The following AGBL1 variants were observed in gnomAD, a reference collection of about 807,000 sequenced individuals.
AGBL1 encodes the protein cytosolic carboxypeptidase 4.
Under a neutral mutation model 118.9 loss-of-function variants are expected in AGBL1, and 130 were observed. The observed-to-expected ratio is 1.09, with a 90% confidence interval of 0.95 to 1.26. The LOEUF (loss-of-function observed/expected upper bound fraction) is 1.26, where lower values mean the gene tolerates loss of function less well. Among genes scored for constraint, AGBL1 ranks in the 50% most tolerant of loss-of-function variants. The pLI, the probability that AGBL1 is intolerant of heterozygous loss-of-function variation, is 0.00. For synonymous variants in AGBL1, 555 were observed against 478.9 expected (o/e 1.16, Z -2.08); for missense variants, 1,584 against 1,298.1 (o/e 1.22, Z -3.38).
At chr15:86,286,161 A>G (rs1461415329) in intron 16 of AGBL1, among the ~76,000 whole-genome samples, 1 of 148,766 alleles carries the variant, frequency 6.7e-6, no homozygotes, top group East Asian at 2.0e-4. Context: ...TAATTTATTT[A>G]TAAAAGTTTC....
intron 23 of AGBL1, among the ~76,000 whole-genome samples, chr15:86,964,712 C>T (rs540247959): frequency 2.0e-5 from 3 of 151,494 alleles, no homozygotes; most frequent in East Asian, 3.9e-4. Flanking sequence ...TAGGTATACA[C>T]GTGCAATGGT....
intron 22 of AGBL1, among the ~76,000 whole-genome samples, chr15:86,886,692 T>C (rs752703562): frequency 3.3e-5 from 5 of 152,108 alleles, no homozygotes; most frequent in Admixed American, 1.3e-4. Context: ...GGAGGTAACA[T>C]TGGGTTTATT....
intron 17 of AGBL1, among the ~76,000 whole-genome samples, chr15:86,391,234 A>C (rs1006648754): frequency 6.6e-6 from 1 of 152,166 alleles, no homozygotes; most frequent in African/African-American, 2.4e-5. Flanking sequence ...CAATAAAACT[A>C]ATAAAAAAGA....
chr15:86,222,854 C>G (rs1375864157), intron 5 of AGBL1, among the ~76,000 whole-genome samples: 3 of 152,110 alleles, frequency 2.0e-5, no homozygotes, highest in African/African-American at 7.2e-5. Flanking sequence ...TTGAATTGCT[C>G]TCTCAACATC....
chr15:86,237,194 A>G (rs1278064371), intron 6 of AGBL1, among the ~76,000 whole-genome samples: 1 of 152,182 alleles, frequency 6.6e-6, no homozygotes, highest in Non-Finnish European at 1.5e-5. Context: ...ATTTCTTAAT[A>G]ACTCCTATAA....
chr15:86,308,108 T>C (rs1232585549), intron 17 of AGBL1, among the ~76,000 whole-genome samples: 1 of 152,232 alleles, frequency 6.6e-6, no homozygotes, highest in Non-Finnish European at 1.5e-5. Flanking sequence ...GCTTATCTTA[T>C]TAAACATATT....
intron 17 of AGBL1, among the ~76,000 whole-genome samples, chr15:86,343,024 A>T (rs2080484950): frequency 1.3e-5 from 2 of 152,188 alleles, no homozygotes; most frequent in African/African-American, 4.8e-5. Context: ...CAGATGAATG[A>T]TCTTCACTAA....
chr15:86,817,194 A>G (rs1220032961), intron 22 of AGBL1, among the ~76,000 whole-genome samples: 1 of 150,822 alleles, frequency 6.6e-6, no homozygotes, highest in Non-Finnish European at 1.5e-5. Context: ...CAGGAGGCTG[A>G]GGCAGCAGAA....
chr15:86,410,930 TAAC>T (rs2081610525), intron 18 of AGBL1, among the ~76,000 whole-genome samples: 1 of 86,944 alleles, frequency 1.2e-5, no homozygotes, highest in East Asian at 6.1e-4. Context: ...ATAATATATA[TAAC>T]ATATATTATA....
chr15:86,900,206 G>A (rs143950529), intron 22 of AGBL1, among the ~76,000 whole-genome samples: 6 of 152,130 alleles, frequency 3.9e-5, no homozygotes, highest in Admixed American at 6.5e-5. Context: ...TGGCTCCTCA[G>A]CTTGTGGATG....
Position 86,196,660 on chromosome 15 carries a change from A to G in AGBL1, c.489-28254A>G, listed in dbSNP as rs569731795. 5.9e-5 allele frequency among the ~76,000 whole-genome samples: 9 copies of G among 152,228 alleles called. No individual in the cohort carries two copies. The South Asian group carries it at 6.2e-4, about 11-fold the overall frequency. The stretch of plus-strand genomic sequence containing the variant: ...ACGTTTTCTAAAGAAATACACTGCT[A>G]TGGACTGAATTGTGTCCCACCAAGT... On this transcript the variant is annotated intron_variant, in intron 5 of 22. Transcript: ENST00000614907.
chr15:86,116,882 C>A (rs1166718550), intron 1 of AGBL1, among the ~76,000 whole-genome samples: 1 of 152,110 alleles, frequency 6.6e-6, no homozygotes, highest in African/African-American at 2.4e-5. Context: ...ATTCTCAAGA[C>A]AACCCTAATA....
At chr15:86,636,991 A>G (rs984384817) in intron 21 of AGBL1, among the ~76,000 whole-genome samples, 1 of 151,842 alleles carries the variant, frequency 6.6e-6, no homozygotes, top group Admixed American at 6.6e-5. Context: ...AGGCACAACC[A>G]GGTATGTATA....
chr15:86,517,452 T>G (rs1445633653), intron 18 of AGBL1, among the ~76,000 whole-genome samples: 1 of 152,216 alleles, frequency 6.6e-6, no homozygotes, highest in East Asian at 1.9e-4. Context: ...TATTTTGTAT[T>G]TAGACCTACC....
At chr15:86,706,202 T>A (rs906650783) in intron 22 of AGBL1, among the ~76,000 whole-genome samples, 3 of 152,096 alleles carry the variant, frequency 2.0e-5, no homozygotes, top group Non-Finnish European at 2.9e-5. Flanking sequence ...AGTTTACCGA[T>A]CAAAGATAAA....
intron 14 of AGBL1, 130 bp downstream of exon 14, chr15:86,270,197 TGCAGCAAGGCAG>T: frequency 7.8e-7 from 1 of 1,274,842 alleles, no homozygotes; most frequent in Non-Finnish European, 1.1e-6. Flanking sequence ...GGTTGCCAGG[TGCAGCAAGGCAG>T]GCAGTGGCCC....
chr15:86,750,258 ATTAT>A (rs1157093992), intron 22 of AGBL1, among the ~76,000 whole-genome samples: 4 of 152,006 alleles, frequency 2.6e-5, no homozygotes, highest in African/African-American at 4.8e-5. Flanking sequence ...TTTATTTTTA[ATTAT>A]TAAGTATAAG....
intron 22 of AGBL1, among the ~76,000 whole-genome samples, chr15:86,688,427 C>T (rs12595041): frequency 0.011 from 1,744 of 152,152 alleles, 26 homozygotes; most frequent in East Asian, 0.071. Flanking sequence ...AAATCATATG[C>T]AAATTAAGTT....
rs959226387 is a variant in AGBL1, at chr15:86,718,384, C to T, written c.3158+43948C>T. On this transcript the variant is annotated intron_variant, in intron 22 of 22. Coordinates refer to ENST00000614907, the MANE Select transcript of AGBL1 (RefSeq NM_001386094.1). ...TGGGGAACATCACACACTGGGGCCT[C>T]GTGGGGTGGGTGTAGGCAGGAGGGA... 3.3e-5 allele frequency among the ~76,000 whole-genome samples: 5 copies of T among 152,134 alleles called. No individual in the cohort carries two copies. In the East Asian group the frequency reaches 5.8e-4, roughly 18 times the overall value.
Sources: gnomAD v4.1 joint callset for allele counts (sites outside exome capture counted in the v4.1 genomes callset) on GRCh38, gnomAD v4.1.1 for gene constraint, MANE v1.5 for transcripts, NCBI Gene and HGNC (gene_info 2026-07-23, HGNC 2026-07-21) for gene names.